Variants in CADM1 observed in about 807,000 individuals in gnomAD.
The protein encoded by CADM1 is cell adhesion molecule 1.
A neutral mutation model predicts 53.1 loss-of-function variants in CADM1; 15 were observed. That is an observed-to-expected ratio of 0.28 (90% CI 0.19 to 0.44). The LOEUF is 0.44. CADM1 is among the 20% of genes least tolerant of loss of function. The pLI is 1.00. For synonymous variants in CADM1, 281 were observed against 243.0 expected (o/e 1.16, Z -1.45); for missense variants, 434 against 611.3 (o/e 0.71, Z 3.06).
intron 1 of CADM1, among the ~76,000 whole-genome samples, chr11:115,416,734 C>CACAG (rs776727950): frequency 6.7e-6 from 1 of 149,554 alleles, no homozygotes; most frequent in African/African-American, 2.5e-5. Context: ...CACACACACA[C>CACAG]AGATAGATAT....
intron 1 of CADM1, among the ~76,000 whole-genome samples, chr11:115,476,762 G>T (rs896808891): frequency 6.6e-6 from 1 of 152,090 alleles, no homozygotes; most frequent in Admixed American, 6.5e-5. Flanking sequence ...ATCAACAACC[G>T]TATATATCTC....
chr11:115,439,154 T>C (rs963882807), intron 1 of CADM1, among the ~76,000 whole-genome samples: 1 of 151,904 alleles, frequency 6.6e-6, no homozygotes, highest in African/African-American at 2.4e-5. Context: ...AAAGGGCTTT[T>C]AGTAAAATGA....
intron 1 of CADM1, among the ~76,000 whole-genome samples, chr11:115,311,119 T>C (rs953319705): frequency 6.6e-6 from 1 of 152,234 alleles, no homozygotes; most frequent in African/African-American, 2.4e-5. Flanking sequence ...ATAGCTATCC[T>C]AACTTTCCCT....
chr11:115,358,744 G>A (rs1201621806), intron 1 of CADM1, among the ~76,000 whole-genome samples: 3 of 152,132 alleles, frequency 2.0e-5, no homozygotes, highest in Non-Finnish European at 2.9e-5. Flanking sequence ...CTAGTCTACT[G>A]TACGTAGACC....
At chr11:115,216,564 T>C (rs1174400361) in intron 6 of CADM1, among the ~76,000 whole-genome samples, 2 of 152,152 alleles carry the variant, frequency 1.3e-5, no homozygotes, top group African/African-American at 4.8e-5. Context: ...ATCTGAATCT[T>C]TGGCAGTGCT....
chr11:115,429,569 C>T (rs1435730377), intron 1 of CADM1, among the ~76,000 whole-genome samples: 1 of 149,784 alleles, frequency 6.7e-6, no homozygotes, highest in Non-Finnish European at 1.5e-5. Flanking sequence ...CATTGCGCTC[C>T]AGCCTGGGCA....
rs769246389 is a variant in CADM1, at chr11:115,252,986, G to T, written c.125-12566C>A. On this transcript the variant is annotated intron_variant, in intron 1 of 11. Coordinates refer to ENST00000331581, the MANE Select transcript of CADM1 (RefSeq NM_001301043.2). ...GAATACTTGGCCTTCCTCTAAGCCG[G>T]GGGTGTCCAATCTTTTGGCTTCCCT... 3.9e-5 allele frequency among the ~76,000 whole-genome samples: 6 copies of T among 152,258 alleles called. No individual in the cohort carries two copies. The South Asian group carries it at 1.2e-3, about 32-fold the overall frequency.
Position 115,175,240 on chromosome 11 carries a change from C to T in CADM1, c.*1234G>A. ...CAATACCAGCCCTTCTTTTGTACCT[C>T]CTGCCTTTGTCAAGCCAAATCTGAA... On this transcript the variant is annotated 3_prime_UTR_variant, in exon 12 of 12. Transcript: ENST00000331581. The T allele has an allele frequency of 1.0e-6, 1 of 985,824 alleles. No homozygotes were observed. The highest frequency in any genetic ancestry group is 1.2e-6 in the Non-Finnish European group (1 of 829,958). The allele number at this position is 985,824 out of a possible 1,614,324, so 61.1% of individuals were successfully genotyped here.
intron 1 of CADM1, among the ~76,000 whole-genome samples, chr11:115,299,042 T>C (rs910629156): frequency 5.3e-5 from 8 of 152,210 alleles, no homozygotes; most frequent in African/African-American, 1.2e-4. Context: ...TAATCTTAAA[T>C]TGGGTTCTCT....
chr11:115,431,972 T>G (rs1948065322), intron 1 of CADM1, among the ~76,000 whole-genome samples: 1 of 151,682 alleles, frequency 6.6e-6, no homozygotes, highest in Non-Finnish European at 1.5e-5. Flanking sequence ...TTGAGACAGA[T>G]TCATGCTCTG....
At chr11:115,349,571 C>A (rs771408885) in intron 1 of CADM1, among the ~76,000 whole-genome samples, 1 of 152,204 alleles carries the variant, frequency 6.6e-6, no homozygotes, top group African/African-American at 2.4e-5. Flanking sequence ...TATTTCAAAT[C>A]TGAAAGTCAC....
intron 1 of CADM1, among the ~76,000 whole-genome samples, chr11:115,426,726 C>G (rs750299535): frequency 6.6e-6 from 1 of 152,004 alleles, no homozygotes; most frequent in Non-Finnish European, 1.5e-5. Flanking sequence ...CCCCTCTGGG[C>G]CCCTCCACAG....
intron 1 of CADM1, among the ~76,000 whole-genome samples, chr11:115,371,478 C>T (rs934091237): frequency 1.3e-5 from 2 of 151,782 alleles, no homozygotes; most frequent in East Asian, 1.9e-4. Flanking sequence ...AAACAATACT[C>T]AACACAAAAT....
intron 1 of CADM1, among the ~76,000 whole-genome samples, chr11:115,379,087 T>C (rs1234202456): frequency 6.6e-6 from 1 of 152,234 alleles, no homozygotes; most frequent in Non-Finnish European, 1.5e-5. Flanking sequence ...TATCAAGTTT[T>C]GTCTCTGGTA....
intron 1 of CADM1, among the ~76,000 whole-genome samples, chr11:115,282,105 AAAG>A (rs1292687388): frequency 1.3e-5 from 2 of 152,210 alleles, no homozygotes; most frequent in African/African-American, 2.4e-5. Flanking sequence ...CTCTTAATAA[AAAG>A]AAGAATTACT....
intron 1 of CADM1, among the ~76,000 whole-genome samples, chr11:115,376,476 C>T (rs995830611): frequency 7.2e-5 from 11 of 151,730 alleles, no homozygotes; most frequent in Non-Finnish European, 1.5e-4. Flanking sequence ...AGGGAGAAGA[C>T]AAAAGAGAGG....
At chr11:115,337,268 C>T (rs1196262313) in intron 1 of CADM1, among the ~76,000 whole-genome samples, 1 of 152,102 alleles carries the variant, frequency 6.6e-6, no homozygotes, top group Non-Finnish European at 1.5e-5. Flanking sequence ...ATTATCAGTG[C>T]TTAATACATG....
At chr11:115,427,021 C>T (rs955550659) in intron 1 of CADM1, among the ~76,000 whole-genome samples, 1 of 152,076 alleles carries the variant, frequency 6.6e-6, no homozygotes, top group African/African-American at 2.4e-5. Flanking sequence ...CATAGGAGAA[C>T]ATTACTTGGT....
intron 1 of CADM1, among the ~76,000 whole-genome samples, chr11:115,304,549 G>C (rs983117739): frequency 6.6e-6 from 1 of 151,904 alleles, no homozygotes; most frequent in Non-Finnish European, 1.5e-5. Flanking sequence ...ATAATAAACA[G>C]CTTATGTCCA....
Sources: gnomAD v4.1 joint callset for allele counts (sites outside exome capture counted in the v4.1 genomes callset) on GRCh38, gnomAD v4.1.1 for gene constraint, MANE v1.5 for transcripts, NCBI Gene and HGNC (gene_info 2026-07-23, HGNC 2026-07-21) for gene names.